SOX5: variants seen among roughly 807,000 people sequenced by gnomAD.
SOX5 encodes SRY-box transcription factor 5.
In SOX5, 9 loss-of-function variants were observed where a neutral mutation model predicts 92.0. The ratio of observed to expected loss-of-function variants is 0.10; its 90% CI spans 0.06 to 0.17. The LOEUF is 0.17. Among genes scored for constraint, SOX5 ranks in the 10% least tolerant of loss-of-function variants. The pLI is 1.00. For missense variants in SOX5, 642 were observed against 944.5 expected (o/e 0.68, Z 4.20); for synonymous variants, 344 against 336.3 (o/e 1.02, Z -0.25).
chr12:24,021,502 T>C (rs1954285106), intron 4 of SOX5, among the ~76,000 whole-genome samples: 3 of 152,184 alleles, frequency 2.0e-5, no homozygotes, highest in Non-Finnish European at 4.4e-5. Context: ...CTATTAATGG[T>C]AAACTCTCAG....
chr12:24,171,901 C>T (rs1017612506), intron 4 of SOX5, among the ~76,000 whole-genome samples: 12 of 151,958 alleles, frequency 7.9e-5, no homozygotes, highest in African/African-American at 2.9e-4. Flanking sequence ...TCCATTTTCA[C>T]AGAGAAAGTG....
chr12:24,335,698 A>C (rs1565930175), intron 2 of SOX5, among the ~76,000 whole-genome samples: 1 of 152,102 alleles, frequency 6.6e-6, no homozygotes, highest in African/African-American at 2.4e-5. Context: ...TTTTTAGGGA[A>C]GACAGTGCTG....
At chr12:24,147,964 G>T (rs930966811) in intron 4 of SOX5, among the ~76,000 whole-genome samples, 15 of 152,130 alleles carry the variant, frequency 9.9e-5, no homozygotes, top group Non-Finnish European at 1.9e-4. Context: ...CAAGATGTCA[G>T]TTCTCTCCAA....
intron 9 of SOX5, among the ~76,000 whole-genome samples, chr12:23,595,618 CAAAAAAAAAA>C (rs747265656): frequency 0.012 from 548 of 46,334 alleles, 5 homozygotes; most frequent in African/African-American, 0.046. Flanking sequence ...GACTCTGCCT[CAAAAAAAAAA>C]AAAAAAAAAA....
chr12:24,060,731 C>T (rs916862215), intron 4 of SOX5, among the ~76,000 whole-genome samples: 25 of 152,100 alleles, frequency 1.6e-4, no homozygotes, highest in Admixed American at 1.0e-3. Context: ...GTTCTCTATG[C>T]GGGACTTCGA....
intron 9 of SOX5, among the ~76,000 whole-genome samples, chr12:23,580,572 G>C (rs1949904859): frequency 6.6e-6 from 1 of 151,856 alleles, no homozygotes; most frequent in African/African-American, 2.4e-5. Context: ...CATGGTACAA[G>C]AAAATAATAT....
chr12:23,665,161 T>C (rs2083597429), intron 7 of SOX5, among the ~76,000 whole-genome samples: 1 of 152,124 alleles, frequency 6.6e-6, no homozygotes, highest in Admixed American at 6.6e-5. Context: ...ATGTCATCTA[T>C]GCAAAAAATA....
At chr12:24,233,793 A>T (rs1028401594) in intron 3 of SOX5, among the ~76,000 whole-genome samples, 15 of 152,236 alleles carry the variant, frequency 9.9e-5, no homozygotes, top group African/African-American at 3.4e-4. Context: ...GCATTAAGTA[A>T]CCAGACAGGT....
chr12:24,187,381 T>G (rs573804659), intron 4 of SOX5, among the ~76,000 whole-genome samples: 1 of 152,338 alleles, frequency 6.6e-6, no homozygotes, highest in Non-Finnish European at 1.5e-5. Context: ...GTTAAATATC[T>G]GCAAAAATAT....
chr12:24,274,104 T>C (rs1379185264), intron 3 of SOX5, among the ~76,000 whole-genome samples: 1 of 152,206 alleles, frequency 6.6e-6, no homozygotes, highest in African/African-American at 2.4e-5. Flanking sequence ...AATTTTACAG[T>C]TGTATGCAAG....
At chr12:24,422,128 G>A (rs973836161) in intron 1 of SOX5, among the ~76,000 whole-genome samples, 1 of 152,192 alleles carries the variant, frequency 6.6e-6, no homozygotes, top group Admixed American at 6.5e-5. Context: ...TCGATGACTA[G>A]GAGGAAAATG....
chr12:24,422,899 T>C (rs896758022), intron 1 of SOX5, among the ~76,000 whole-genome samples: 4 of 152,278 alleles, frequency 2.6e-5, no homozygotes, highest in African/African-American at 7.2e-5. Flanking sequence ...TAGTTCCAGC[T>C]ACTCAGGAGG....
rs188290159 is a variant in SOX5, at chr12:24,275,584, C to T, written c.-77+1632G>A. Among the ~76,000 whole-genome samples, 13 of 152,180 alleles carry T rather than the reference C, an allele frequency of 8.5e-5. No homozygotes were observed. In the East Asian group the frequency reaches 1.5e-3, roughly 18 times the overall value. The stretch of plus-strand genomic sequence containing the variant: ...TGTATTCAAATTTATTTAGCCACTG[C>T]TCTACTGCTGAACAGTTAAATCTAT... On this transcript the variant is annotated intron_variant, in intron 3 of 4. Coordinates refer to the SOX5 transcript ENST00000446891.
intron 4 of SOX5, among the ~76,000 whole-genome samples, chr12:24,101,670 A>G (rs568340830): frequency 2.0e-5 from 3 of 152,258 alleles, no homozygotes; most frequent in Admixed American, 2.0e-4. Flanking sequence ...CTGTCATTCA[A>G]AATTAATATT....
chr12:23,936,759 A>G (rs946150277), intron 1 of SOX5, among the ~76,000 whole-genome samples: 3 of 151,116 alleles, frequency 2.0e-5, no homozygotes, highest in African/African-American at 7.3e-5. Context: ...GATAAAAATA[A>G]TGTTAATATA....
intron 8 of SOX5, among the ~76,000 whole-genome samples, chr12:23,614,648 T>A (rs570012107): frequency 6.6e-6 from 1 of 152,240 alleles, no homozygotes; most frequent in Non-Finnish European, 1.5e-5. Context: ...TTGTGTGTTT[T>A]CATTTCTTCT....
chr12:24,168,431 G>T (rs1213204510), intron 4 of SOX5, among the ~76,000 whole-genome samples: 1 of 152,110 alleles, frequency 6.6e-6, no homozygotes, highest in African/African-American at 2.4e-5. Flanking sequence ...AGAAATAATT[G>T]CAAGGAATTG....
chr12:23,598,451 T>G (rs1952849860), intron 9 of SOX5, among the ~76,000 whole-genome samples: 1 of 138,474 alleles, frequency 7.2e-6, no homozygotes, highest in Admixed American at 8.4e-5. Flanking sequence ...CAGGCTGGAG[T>G]GCAGTGGCGC....
intron 8 of SOX5, among the ~76,000 whole-genome samples, chr12:23,627,271 T>A (rs181507016): frequency 6.6e-6 from 1 of 152,314 alleles, no homozygotes; most frequent in East Asian, 1.9e-4. Flanking sequence ...GAAACATACA[T>A]TTTTGTAATC....
Sources: gnomAD v4.1 joint callset for allele counts (sites outside exome capture counted in the v4.1 genomes callset) on GRCh38, gnomAD v4.1.1 for gene constraint, MANE v1.5 for transcripts, NCBI Gene and HGNC (gene_info 2026-07-23, HGNC 2026-07-21) for gene names.